The following ZNF365 variants were observed in gnomAD, a reference collection of about 807,000 sequenced individuals.
The protein encoded by ZNF365 is protein ZNF365.
In ZNF365, 22 loss-of-function variants were observed where a neutral mutation model predicts 35.0. The observed-to-expected ratio is 0.63, with a 90% CI of 0.45 to 0.90. The LOEUF (loss-of-function observed/expected upper bound fraction) is 0.90, where lower values mean the gene tolerates loss of function less well. ZNF365 is among the 40% of genes least tolerant of loss of function. The pLI, the probability that ZNF365 is intolerant of heterozygous loss-of-function variation, is 0.00. For missense variants in ZNF365, 448 were observed against 500.3 expected, an observed-to-expected ratio of 0.90 and a Z score of 1.00; for synonymous variants, 188 against 196.2, an observed-to-expected ratio of 0.96 and a Z score of 0.35.
chr10:62,444,687 G>T (rs1200589342), intron 3 of ZNF365, among the ~76,000 whole-genome samples: 1 of 152,110 alleles, frequency 6.6e-6, no homozygotes, highest in Non-Finnish European at 1.5e-5. Context: ...ATCTCTTCTT[G>T]TAAGTCATGT....
chr10:62,379,098 C>G (rs1195580872), intron 2 of ZNF365, among the ~76,000 whole-genome samples: 1 of 151,354 alleles, frequency 6.6e-6, no homozygotes, highest in Non-Finnish European at 1.5e-5. Flanking sequence ...CGTCAGCTCA[C>G]TGCAACCTCT....
At chr10:62,435,737 T>C in intron 3 of ZNF365, among the ~76,000 whole-genome samples, 1 of 152,214 alleles carries the variant, frequency 6.6e-6, no homozygotes, top group East Asian at 1.9e-4. Flanking sequence ...CAGCTACATT[T>C]CCATCCAGAC....
At chr10:62,412,092 T>A (rs1839993526) in intron 3 of ZNF365, among the ~76,000 whole-genome samples, 1 of 152,100 alleles carries the variant, frequency 6.6e-6, no homozygotes, top group Non-Finnish European at 1.5e-5. Flanking sequence ...TCCATCACTA[T>A]CAAATTGGCT....
At chr10:62,408,801 C>T (rs576092749) in intron 3 of ZNF365, among the ~76,000 whole-genome samples, 5 of 152,228 alleles carry the variant, frequency 3.3e-5, no homozygotes, top group South Asian at 2.1e-4. Flanking sequence ...AAGACTAGAT[C>T]GTAGAACAGC....
At position 62,467,925 on chromosome 10, in the gene ZNF365, A is replaced by G. The variant is rs1454564406; in HGVS notation, c.981+8128A>G. ...TTCTATTTAATTCACACTGAGACCCATCATCAACAATATAAGCTCAGGAGC... is the reference window on the plus strand; with the variant it reads ...TTCTATTTAATTCACACTGAGACCCGTCATCAACAATATAAGCTCAGGAGC... On this transcript the variant is annotated intron_variant, in intron 4 of 4. Transcript: ENST00000395255. 2.0e-5 allele frequency among the ~76,000 whole-genome samples: 3 copies of G among 152,188 alleles called. No individual in the cohort carries two copies. In the East Asian group the frequency reaches 5.8e-4, roughly 29 times the overall value.
At chr10:62,473,110 C>T (rs1443063307) in intron 4 of ZNF365, among the ~76,000 whole-genome samples, 1 of 152,254 alleles carries the variant, frequency 6.6e-6, no homozygotes, top group Non-Finnish European at 1.5e-5. Context: ...CTCAGCTCTC[C>T]ATAAATGTGA....
At chr10:62,434,425 A>C (rs2132459106) in intron 3 of ZNF365, among the ~76,000 whole-genome samples, 1 of 152,258 alleles carries the variant, frequency 6.6e-6, no homozygotes, top group East Asian at 1.9e-4. Context: ...TCAGGTGCTC[A>C]AGGACTGTGT....
chr10:62,448,718 G>C (rs533624217), intron 3 of ZNF365, among the ~76,000 whole-genome samples: 39 of 152,184 alleles, frequency 2.6e-4, no homozygotes, highest in African/African-American at 9.4e-4. Flanking sequence ...TATGGATCTG[G>C]TAAGATGAAA....
At chr10:62,455,917 C>A (rs1288865591) in intron 3 of ZNF365, among the ~76,000 whole-genome samples, 1 of 152,148 alleles carries the variant, frequency 6.6e-6, no homozygotes, top group Non-Finnish European at 1.5e-5. Flanking sequence ...TCCTCCAGGG[C>A]CTGTACCATG....
intron 3 of ZNF365, among the ~76,000 whole-genome samples, chr10:62,408,877 G>A (rs1386916131): frequency 1.3e-5 from 2 of 151,990 alleles, no homozygotes; most frequent in Non-Finnish European, 1.5e-5. Flanking sequence ...TTGCTTCTTA[G>A]CGTCCTATGT....
At chr10:62,454,749 A>G (rs1840736112) in intron 3 of ZNF365, among the ~76,000 whole-genome samples, 2 of 152,120 alleles carry the variant, frequency 1.3e-5, no homozygotes. Context: ...ATTAAGCACT[A>G]TTTGGTGTCA....
intron 3 of ZNF365, among the ~76,000 whole-genome samples, chr10:62,458,202 A>G (rs796847542): frequency 1.2e-4 from 19 of 152,270 alleles, no homozygotes; most frequent in African/African-American, 4.1e-4. Flanking sequence ...TCCAACGTGA[A>G]GATTCCCCAA....
chr10:62,397,943 T>A (rs1342186066), intron 3 of ZNF365, among the ~76,000 whole-genome samples: 1 of 152,228 alleles, frequency 6.6e-6, no homozygotes, highest in Non-Finnish European at 1.5e-5. Flanking sequence ...TTTGGTTACA[T>A]GAATAAATTC....
chr10:62,425,963 A>G (rs1840244848), intron 3 of ZNF365, among the ~76,000 whole-genome samples: 1 of 152,188 alleles, frequency 6.6e-6, no homozygotes, highest in South Asian at 2.1e-4. Context: ...GGTCATAATT[A>G]AAGAAATGCA....
rs546789044 is a variant in ZNF365 at position 62,445,368 on chromosome 10, T to G, written c.925-14373T>G. Reference sequence around the variant, plus strand: ...ATCACCACACTGACTTCCACAATGGTTGAACTAGTTTACAGTCCCACCAAC... The same window carrying G: ...ATCACCACACTGACTTCCACAATGGGTGAACTAGTTTACAGTCCCACCAAC... On this transcript the variant is annotated intron_variant, in intron 3 of 4. Transcript: ENST00000395255. 2.6e-5 allele frequency among the ~76,000 whole-genome samples: 4 copies of G among 151,804 alleles called. No individual in the cohort carries two copies. In the East Asian group the frequency reaches 7.7e-4, roughly 29 times the overall value.
intron 4 of ZNF365, among the ~76,000 whole-genome samples, chr10:62,464,377 C>G (rs1486534267): frequency 1.3e-5 from 2 of 152,210 alleles, no homozygotes; most frequent in Non-Finnish European, 2.9e-5. Context: ...GTAACTAAAT[C>G]ATTTTCTCTG....
chr10:62,438,433 C>T lies in ZNF365; in HGVS notation c.925-21308C>T, dbSNP rs190410112. Among the ~76,000 whole-genome samples the T allele has an allele frequency of 3.6e-3, 546 of 152,152 alleles. 2 individuals are homozygous for T. Among genetic ancestry groups the T allele is most frequent in the Non-Finnish European group, 5.3e-3 (358 of 67,998 alleles). ...AAACTCCTGGCCTCAAGTGATACACCCGCGTTGGCCTCCCAAAATGCTGGG... is the reference window on the plus strand; with the variant it reads ...AAACTCCTGGCCTCAAGTGATACACTCGCGTTGGCCTCCCAAAATGCTGGG... On this transcript the variant is annotated intron_variant, in intron 3 of 4. Coordinates refer to the ZNF365 transcript ENST00000395255.
At chr10:62,460,164 G>T (rs1206994393) in intron 4 of ZNF365, among the ~76,000 whole-genome samples, 4 of 152,116 alleles carry the variant, frequency 2.6e-5, no homozygotes, top group African/African-American at 9.7e-5. Context: ...TGTAACGATG[G>T]TTACAGTTCT....
At chr10:62,410,617 T>G (rs1034885847) in intron 3 of ZNF365, among the ~76,000 whole-genome samples, 2 of 152,150 alleles carry the variant, frequency 1.3e-5, no homozygotes, top group African/African-American at 4.8e-5. Context: ...ACATGTGGTG[T>G]TTGGTTTTCT....
Sources: gnomAD v4.1 joint callset for allele counts (sites outside exome capture counted in the v4.1 genomes callset) on GRCh38, gnomAD v4.1.1 for gene constraint, MANE v1.5 for transcripts, NCBI Gene and HGNC (gene_info 2026-07-23, HGNC 2026-07-21) for gene names.